Variants in TOM1L2 observed in about 807,000 individuals in gnomAD.
The protein encoded by TOM1L2 is target of myb1 like 2 membrane trafficking protein.
TOM1L2 carries 31 observed loss-of-function variants against 67.9 expected under a neutral mutation model. That is an observed-to-expected ratio of 0.46 (90% CI 0.34 to 0.62). The LOEUF (loss-of-function observed/expected upper bound fraction) is 0.62. Among genes scored for constraint, TOM1L2 ranks in the 20% least tolerant of loss-of-function variants. TOM1L2 has a pLI of 0.01. For missense variants in TOM1L2, 606 were observed against 663.5 expected (o/e 0.91, Z 0.95); for synonymous variants, 256 against 254.0 (o/e 1.01, Z -0.07).
At chr17:17,870,092 T>C (rs1438805449) in intron 7 of TOM1L2, among the ~76,000 whole-genome samples, 1 of 152,198 alleles carries the variant, frequency 6.6e-6, no homozygotes, top group Non-Finnish European at 1.5e-5. Flanking sequence ...TACTTACACT[T>C]CCAGCAACAG....
At chr17:17,930,509 C>G (rs1429261827) in intron 1 of TOM1L2, among the ~76,000 whole-genome samples, 1 of 152,146 alleles carries the variant, frequency 6.6e-6, no homozygotes, top group Non-Finnish European at 1.5e-5. Context: ...CACATCTTGT[C>G]CAAGAGATAA....
At chr17:17,923,246 A>G (rs1438242676) in intron 1 of TOM1L2, among the ~76,000 whole-genome samples, 1 of 152,116 alleles carries the variant, frequency 6.6e-6, no homozygotes, top group Non-Finnish European at 1.5e-5. Context: ...TAAACATACA[A>G]AAAAATTAGC....
chr17:17,902,386 GT>G (rs1445499451), intron 2 of TOM1L2, among the ~76,000 whole-genome samples: 1 of 152,200 alleles, frequency 6.6e-6, no homozygotes, highest in Non-Finnish European at 1.5e-5. Flanking sequence ...CCTCCCATTG[GT>G]AAAGTATTGC....
chr17:17,953,828 G>A (rs2041312016), intron 1 of TOM1L2, among the ~76,000 whole-genome samples: 1 of 152,226 alleles, frequency 6.6e-6, no homozygotes, highest in South Asian at 2.1e-4. Context: ...ATAAAATCTT[G>A]AAAGAACACA....
chr17:17,929,227 G>T (rs1199629965), intron 1 of TOM1L2, among the ~76,000 whole-genome samples: 1 of 152,228 alleles, frequency 6.6e-6, no homozygotes, highest in South Asian at 2.1e-4. Context: ...ACAGAAGTGG[G>T]CAGCAACACA....
At chr17:17,923,749 A>G (rs2039974730) in intron 1 of TOM1L2, among the ~76,000 whole-genome samples, 1 of 152,130 alleles carries the variant, frequency 6.6e-6, no homozygotes, top group Non-Finnish European at 1.5e-5. Flanking sequence ...ATGGTAAAAA[A>G]GATACTTGGG....
At chr17:17,914,888 A>T (rs375428917) in intron 1 of TOM1L2, among the ~76,000 whole-genome samples, 39 of 152,364 alleles carry the variant, frequency 2.6e-4, no homozygotes, top group African/African-American at 9.1e-4. Flanking sequence ...GTAAAAAAAA[A>T]TTTAAAAAGA....
At chr17:17,964,210 C>A (rs950878019) in intron 1 of TOM1L2, among the ~76,000 whole-genome samples, 2 of 152,126 alleles carry the variant, frequency 1.3e-5, no homozygotes, top group Non-Finnish European at 2.9e-5. Context: ...CTCAACAAGC[C>A]GGGTCAGCAG....
Position 17,861,606 on chromosome 17 carries a change from G to A in TOM1L2, c.1203-55C>T, listed in dbSNP as rs2036564580. On this transcript the variant is annotated intron_variant, in intron 11 of 14. Transcript: ENST00000379504. ...TTCATTTTCCTCCAGTGGTCATGGA[G>A]GGATGGGGTAGTGGCCTGTAATCAC... 12 of 1,518,986 alleles carry A rather than the reference G, an allele frequency of 7.9e-6. No individual in the cohort carries two copies. In the South Asian group the frequency reaches 1.0e-4, roughly 13 times the overall value. The allele number at this position is 1,518,986 out of a possible 1,614,324, so 94.1% of individuals were successfully genotyped here. A position where few individuals can be genotyped will look rare whatever the true frequency, so the allele number is the denominator to read the frequency against.
intron 1 of TOM1L2, among the ~76,000 whole-genome samples, chr17:17,958,164 T>C (rs1422926224): frequency 2.0e-5 from 3 of 151,790 alleles, no homozygotes; most frequent in Non-Finnish European, 4.4e-5. Context: ...GAAATGAACT[T>C]GGAAAGCTTG....
intron 1 of TOM1L2, among the ~76,000 whole-genome samples, chr17:17,937,354 G>A (rs573756980): frequency 6.6e-6 from 1 of 152,308 alleles, no homozygotes; most frequent in African/African-American, 2.4e-5. Flanking sequence ...GGAAATGGTA[G>A]CCTGTGTGCC....
intron 1 of TOM1L2, among the ~76,000 whole-genome samples, chr17:17,916,924 G>A (rs182678645): frequency 5.3e-5 from 8 of 152,224 alleles, no homozygotes; most frequent in African/African-American, 1.7e-4. Context: ...TTGGGAGGCC[G>A]AGGCAGGTGG....
At chr17:17,948,125 A>G (rs2041032104) in intron 1 of TOM1L2, among the ~76,000 whole-genome samples, 1 of 152,214 alleles carries the variant, frequency 6.6e-6, no homozygotes, top group Non-Finnish European at 1.5e-5. Flanking sequence ...TCATGATACA[A>G]TGTTTGTCTT....
At position 17,846,215 on chromosome 17, in the gene TOM1L2, C is replaced by T. The variant is rs572491785; in HGVS notation, c.*1420G>A. On this transcript the variant is annotated 3_prime_UTR_variant, in exon 15 of 15. Transcript: ENST00000379504. ...CCTGCCAGGTGGGAAGGGCTAACTACACCATGGATCAGGAACCTGTGCTGA... is the reference window on the plus strand; with the variant it reads ...CCTGCCAGGTGGGAAGGGCTAACTATACCATGGATCAGGAACCTGTGCTGA... The T allele has an allele frequency of 2.0e-5, 3 of 152,492 alleles. No individual in the cohort carries two copies. The East Asian group carries it at 5.8e-4, about 29-fold the overall frequency. The allele number at this position is 152,492 out of a possible 1,614,324, so 9.4% of individuals were successfully genotyped here. A position where few individuals can be genotyped will look rare whatever the true frequency, so the allele number is the denominator to read the frequency against.
At chr17:17,955,779 G>T (rs746642575) in intron 1 of TOM1L2, among the ~76,000 whole-genome samples, 4 of 152,136 alleles carry the variant, frequency 2.6e-5, no homozygotes, top group Admixed American at 6.5e-5. Context: ...GTTCTTAAAG[G>T]CGGCGTGTCT....
At chr17:17,927,336 C>T (rs2040134483) in intron 1 of TOM1L2, among the ~76,000 whole-genome samples, 1 of 152,212 alleles carries the variant, frequency 6.6e-6, no homozygotes. Context: ...AGAGAACCTA[C>T]CACCCTATGT....
At chr17:17,900,521 CAAA>C (rs546614872) in intron 2 of TOM1L2, among the ~76,000 whole-genome samples, 4 of 58,822 alleles carry the variant, frequency 6.8e-5, no homozygotes, top group Non-Finnish European at 1.3e-4. Context: ...GACTCCATCT[CAAA>C]AAAAAAAAAA....
chr17:17,908,191 C>T (rs1281339724), intron 1 of TOM1L2, among the ~76,000 whole-genome samples: 1 of 152,136 alleles, frequency 6.6e-6, no homozygotes, highest in Admixed American at 6.5e-5. Context: ...ACTTTCTGAC[C>T]ACTCAATGAG....
intron 3 of TOM1L2, among the ~76,000 whole-genome samples, chr17:17,894,226 C>T (rs936494960): frequency 3.9e-5 from 6 of 152,174 alleles, no homozygotes; most frequent in African/African-American, 1.4e-4. Flanking sequence ...GCTATGACAG[C>T]TTGAATTGCT....
Sources: allele counts gnomAD v4.1 joint callset (sites outside exome capture counted in the v4.1 genomes callset), GRCh38; gene constraint gnomAD v4.1.1; transcripts MANE v1.5; gene names NCBI Gene and HGNC (gene_info 2026-07-23, HGNC 2026-07-21).